Variants in PPARGC1A observed in about 807,000 individuals in gnomAD.
The protein encoded by PPARGC1A is peroxisome proliferator-activated receptor gamma coactivator 1-alpha.
Under a neutral mutation model 88.7 loss-of-function variants are expected in PPARGC1A, and 25 were observed. The ratio of observed to expected loss-of-function variants is 0.28; its 90% CI spans 0.21 to 0.39. The LOEUF (loss-of-function observed/expected upper bound fraction) is 0.39, where lower values mean the gene tolerates loss of function less well. PPARGC1A is among the 10% of genes least tolerant of loss of function. The pLI, the probability that PPARGC1A is intolerant of heterozygous loss-of-function variation, is 1.00. For missense variants in PPARGC1A, 880 were observed against 968.7 expected (o/e 0.91, Z 1.22); for synonymous variants, 363 against 355.6 (o/e 1.02, Z -0.24).
At chr4:23,989,010 TATAATAGTATA>T in the PPARGC1A span, among the ~76,000 whole-genome samples, 1 of 149,222 alleles carries the variant, frequency 6.7e-6, no homozygotes, top group Admixed American at 6.8e-5. Flanking sequence ...TATATATACA[TATAATAGTATA>T]CTACATCCTT....
chr4:24,127,684 A>G, the PPARGC1A span, among the ~76,000 whole-genome samples: 3 of 152,086 alleles, frequency 2.0e-5, no homozygotes, highest in Non-Finnish European at 4.4e-5. Context: ...ACAATCAAGG[A>G]TACTAACTTG....
At chr4:24,029,177 T>A in the PPARGC1A span, among the ~76,000 whole-genome samples, 9 of 152,220 alleles carry the variant, frequency 5.9e-5, no homozygotes, top group African/African-American at 2.2e-4. Flanking sequence ...GGTAGATTAC[T>A]GATCAGACTT....
chr4:24,327,618 C>A, the PPARGC1A span, among the ~76,000 whole-genome samples: 1 of 151,912 alleles, frequency 6.6e-6, no homozygotes, highest in Non-Finnish European at 1.5e-5. Flanking sequence ...CTTCTAACAA[C>A]CCCACAATAT....
chr4:23,989,820 G>A, the PPARGC1A span, among the ~76,000 whole-genome samples: 1 of 151,278 alleles, frequency 6.6e-6, no homozygotes, highest in Non-Finnish European at 1.5e-5. Flanking sequence ...TCTTTGACAA[G>A]ATTTAAAATG....
the PPARGC1A span, among the ~76,000 whole-genome samples, chr4:24,217,583 A>T: frequency 6.6e-6 from 1 of 152,112 alleles, no homozygotes; most frequent in South Asian, 2.1e-4. Flanking sequence ...CAGGCAGATC[A>T]CCTGAGGTCA....
chr4:24,333,549 G>C, the PPARGC1A span, among the ~76,000 whole-genome samples: 1 of 152,164 alleles, frequency 6.6e-6, no homozygotes, highest in South Asian at 2.1e-4. Context: ...CAGAGGCAGA[G>C]AGCAAGTTAG....
the PPARGC1A span, among the ~76,000 whole-genome samples, chr4:24,021,063 C>T: frequency 1.4e-4 from 22 of 152,330 alleles, no homozygotes; most frequent in Non-Finnish European, 2.8e-4. Context: ...GAAAGCCCTT[C>T]GTGACCTCTG....
the PPARGC1A span, among the ~76,000 whole-genome samples, chr4:24,125,796 T>C: frequency 6.6e-6 from 1 of 152,192 alleles, no homozygotes; most frequent in Non-Finnish European, 1.5e-5. Context: ...AACTAGCTCC[T>C]AAGCTTCTTG....
intron 1 of PPARGC1A, among the ~76,000 whole-genome samples, chr4:23,888,525 C>A (rs1237735722): frequency 1.3e-5 from 2 of 152,138 alleles, no homozygotes; most frequent in Non-Finnish European, 2.9e-5. Context: ...GACTTTGAAG[C>A]CACTTATAAC....
the PPARGC1A span, among the ~76,000 whole-genome samples, chr4:24,039,144 T>C: frequency 6.6e-6 from 1 of 152,220 alleles, no homozygotes; most frequent in Non-Finnish European, 1.5e-5. Flanking sequence ...CTGTGAATCA[T>C]CGACAAATCC....
At chr4:23,963,710 G>A in the PPARGC1A span, among the ~76,000 whole-genome samples, 1 of 152,142 alleles carries the variant, frequency 6.6e-6, no homozygotes, top group Non-Finnish European at 1.5e-5. Flanking sequence ...CCATAAATGT[G>A]TGGCCATAAA....
At chr4:23,801,000 T>A (rs1030541493) in intron 12 of PPARGC1A, among the ~76,000 whole-genome samples, 6 of 150,732 alleles carry the variant, frequency 4.0e-5, no homozygotes, top group Middle Eastern at 3.4e-3. Context: ...AAGCAGAGTG[T>A]GATTTAGTAT....
the PPARGC1A span, among the ~76,000 whole-genome samples, chr4:24,404,229 C>T: frequency 6.6e-6 from 1 of 151,994 alleles, no homozygotes; most frequent in Non-Finnish European, 1.5e-5. Flanking sequence ...CGCCACCGCA[C>T]TCCAGCCTGG....
At chr4:23,920,896 C>T in the PPARGC1A span, among the ~76,000 whole-genome samples, 5 of 152,154 alleles carry the variant, frequency 3.3e-5, no homozygotes, top group South Asian at 1.0e-3. Context: ...GGAGCCTGTT[C>T]CAGCCAGAAC....
chr4:24,421,774 T>A, the PPARGC1A span, among the ~76,000 whole-genome samples: 1 of 152,204 alleles, frequency 6.6e-6, no homozygotes, highest in Non-Finnish European at 1.5e-5. Context: ...GAGAGTCAAA[T>A]TTTAAGCTGT....
chr4:24,292,391 A>AC, the PPARGC1A span, among the ~76,000 whole-genome samples: 1 of 151,762 alleles, frequency 6.6e-6, no homozygotes, highest in Admixed American at 6.6e-5. Flanking sequence ...GGTACCCAAG[A>AC]CCCAATGCTC....
the PPARGC1A span, among the ~76,000 whole-genome samples, chr4:24,053,804 T>C: frequency 6.6e-6 from 1 of 152,152 alleles, no homozygotes; most frequent in Non-Finnish European, 1.5e-5. Flanking sequence ...TGACTGGGTA[T>C]CCATAAATTT....
At chr4:24,361,410 T>C in the PPARGC1A span, among the ~76,000 whole-genome samples, 1 of 152,228 alleles carries the variant, frequency 6.6e-6, no homozygotes, top group Non-Finnish European at 1.5e-5. Flanking sequence ...ATGAAGACTT[T>C]GTTTTCTTTC....
the PPARGC1A span, among the ~76,000 whole-genome samples, chr4:24,349,537 T>C: frequency 6.6e-6 from 1 of 152,022 alleles, no homozygotes; most frequent in Non-Finnish European, 1.5e-5. Flanking sequence ...CCTAGGAGGA[T>C]TATGGCTGCC....
Sources: allele counts gnomAD v4.1 joint callset (sites outside exome capture counted in the v4.1 genomes callset), GRCh38; gene constraint gnomAD v4.1.1; transcripts MANE v1.5; gene names NCBI Gene and HGNC (gene_info 2026-07-23, HGNC 2026-07-21).